CCNG2: variants seen among roughly 807,000 people sequenced by gnomAD.
The protein encoded by CCNG2 is cyclin G2.
A neutral mutation model predicts 36.5 loss-of-function variants in CCNG2; 20 were observed. That is an observed-to-expected ratio of 0.55 (90% CI 0.39 to 0.80). CCNG2 has a LOEUF of 0.80. Ranked by LOEUF, CCNG2 falls within the 30% of genes least tolerant of loss-of-function variation. The pLI, the probability that CCNG2 is intolerant of heterozygous loss-of-function variation, is 0.00. For missense variants in CCNG2, 358 were observed against 390.8 expected (o/e 0.92, Z 0.71); for synonymous variants, 155 against 140.1 (o/e 1.11, Z -0.75).
chr4:77,159,195 G>A (rs549704180), intron 2 of CCNG2, among the ~76,000 whole-genome samples, 172 bp from the exon 3 acceptor site: 4 of 152,306 alleles, frequency 2.6e-5, no homozygotes, highest in South Asian at 4.1e-4. Flanking sequence ...AGATGATAAA[G>A]TGTATAGCTT....
In CCNG2 at chr4:77,166,833, A is replaced by G. The variant is rs1405502021; in HGVS notation, c.*909A>G. 3 of 152,204 alleles carry G rather than the reference A, an allele frequency of 2.0e-5. No individual in the cohort carries two copies. The highest frequency in any genetic ancestry group is 4.4e-5 in the Non-Finnish European group (3 of 68,028). 9.4% of individuals were successfully genotyped at this position (152,204 alleles called of 1,614,324 possible). ...AATAGTGTATTGCTATATGGGTGCCAAGATTGAATATGAAGAACCCGAGTG... is the reference window on the plus strand; with the variant it reads ...AATAGTGTATTGCTATATGGGTGCCGAGATTGAATATGAAGAACCCGAGTG... On this transcript the variant is annotated 3_prime_UTR_variant, in exon 8 of 8. Transcript: ENST00000316355.
intron 6 of CCNG2, among the ~76,000 whole-genome samples, chr4:77,162,182 T>C (rs531779285): frequency 2.0e-5 from 3 of 152,260 alleles, no homozygotes; most frequent in Admixed American, 6.5e-5. Context: ...CCGAATGTCT[T>C]TTCAAATCCT....
chr4:77,168,294 T>A lies in CCNG2; in HGVS notation c.*2370T>A, dbSNP rs1357876591. 1 of 152,264 alleles carries A rather than the reference T, an allele frequency of 6.6e-6. No homozygotes were observed. Among genetic ancestry groups the A allele is most frequent in the Non-Finnish European group, 1.5e-5 (1 of 68,066 alleles). 9.4% of individuals were successfully genotyped at this position (152,264 alleles called of 1,614,324 possible). A position where few individuals can be genotyped will look rare whatever the true frequency, so the allele number is the denominator to read the frequency against. On this transcript the variant is annotated 3_prime_UTR_variant, in exon 8 of 8. Transcript: ENST00000316355. ...TTTATATCTCTCTGTCCCCCCTTTT[T>A]CTGCCATTGGCATGGTTTAGACCTG... is the stretch of plus-strand genomic sequence containing the variant.
Position 77,158,699 on chromosome 4 carries a change from A to C in CCNG2, c.138+29A>C, listed in dbSNP as rs773102024. The C allele has an allele frequency of 1.9e-6, 3 of 1,611,654 alleles. No individual in the cohort carries two copies. The South Asian group carries it at 3.3e-5, about 18-fold the overall frequency. On this transcript the variant is annotated intron_variant, in intron 2 of 7. Coordinates refer to ENST00000316355, the MANE Select transcript of CCNG2 (RefSeq NM_004354.3). ...AGTTGGCAGAAAAGATAACTTGCTC[A>C]AGCAGCTGATGGGGCTTGGAGGAGG...
chr4:77,164,391 C>G lies in CCNG2; in HGVS notation c.823C>G (p.Arg275Gly). 1.2e-6 allele frequency: 2 copies of G among 1,613,970 alleles called. No homozygotes were observed. Among genetic ancestry groups the G allele is most frequent in the Non-Finnish European group, 1.7e-6 (2 of 1,179,932 alleles). The change falls in exon 7 of 8, where the codon CGC (arginine) becomes GGC (glycine). Residue 275 changes from arginine to glycine, a missense_variant. Transcript: ENST00000316355. Reference protein sequence around the residue: ...LKKLVWIVSRRTAQNLHNSYY... With the variant: ...LKKLVWIVSRGTAQNLHNSYY... Reference sequence around the variant, plus strand: ...GAAGTTGGTTTGGATCGTTTCAAGGCGCACAGCCCAGAACCTCCACAACAG... The same window carrying G: ...GAAGTTGGTTTGGATCGTTTCAAGGGGCACAGCCCAGAACCTCCACAACAG...
intron 4 of CCNG2, 128 bp downstream of exon 4, chr4:77,161,099 C>CTTTTTTTTTTTTTTTT (rs34505988): frequency 7.3e-6 from 2 of 274,598 alleles, no homozygotes; most frequent in African/African-American, 6.3e-5. Flanking sequence ...ATTGGTAAAT[C>CTTTTTTTTTTTTTTTT]TTTTTTTTTT....
In CCNG2 at chr4:77,167,622, C is replaced by T. The variant is rs1201974821; in HGVS notation, c.*1698C>T. The T allele has an allele frequency of 6.6e-6, 1 of 152,186 alleles. No homozygotes were observed. Among genetic ancestry groups the T allele is most frequent in the East Asian group, 1.9e-4 (1 of 5,194 alleles). 9.4% of individuals were successfully genotyped at this position (152,186 alleles called of 1,614,324 possible). The stretch of plus-strand genomic sequence containing the variant: ...CCGCCAGCTTCTGGCTCTTGTGGAC[C>T]TCAAAAGTATCAGGTGGTTTTGCAA... On this transcript the variant is annotated 3_prime_UTR_variant, in exon 8 of 8. Coordinates refer to ENST00000316355, the MANE Select transcript of CCNG2 (RefSeq NM_004354.3).
chr4:77,157,942 C>T (rs950716304), intron 1 of CCNG2, among the ~76,000 whole-genome samples: 2 of 152,028 alleles, frequency 1.3e-5, no homozygotes, highest in African/African-American at 2.4e-5. Flanking sequence ...CACCCCAGGG[C>T]TCCTGGGACG....
At chr4:77,165,088 T>G (rs1470154115) in intron 7 of CCNG2, 1 of 152,242 alleles carries the variant, frequency 6.6e-6, no homozygotes, top group Admixed American at 6.5e-5. Context: ...GGTGTTGTCT[T>G]ATTCAGAATT....
Position 77,167,662 on chromosome 4 carries a change from C to T in CCNG2, c.*1738C>T, listed in dbSNP as rs1181502217. 2 of 152,068 alleles carry T rather than the reference C, an allele frequency of 1.3e-5. No homozygotes were observed. Among genetic ancestry groups the T allele is most frequent in the African/African-American group, 4.8e-5 (2 of 41,402 alleles). 9.4% of individuals were successfully genotyped at this position (152,068 alleles called of 1,614,324 possible). On this transcript the variant is annotated 3_prime_UTR_variant, in exon 8 of 8. Coordinates refer to ENST00000316355, the MANE Select transcript of CCNG2 (RefSeq NM_004354.3). ...TGGTTTTGCAAGTGGTGGTCCTTTC[C>T]CCTGCCCCACCCCAATAGGTTCCCC... is the stretch of plus-strand genomic sequence containing the variant.
intron 6 of CCNG2, 29 bp from the exon 7 acceptor site, chr4:77,164,245 C>T (rs376445357): frequency 5.6e-5 from 88 of 1,559,716 alleles, no homozygotes; most frequent in Middle Eastern, 5.0e-4. Flanking sequence ...GAGACATTGC[C>T]GTAACCTCTT....
chr4:77,162,422 GC>G (rs1477564155), intron 6 of CCNG2, among the ~76,000 whole-genome samples: 1 of 114,268 alleles, frequency 8.8e-6, no homozygotes, highest in Non-Finnish European at 1.7e-5. Context: ...TTGCTCTGTT[GC>G]CCAAGCTAGA....
chr4:77,163,459 A>C (rs1731540827), intron 6 of CCNG2, among the ~76,000 whole-genome samples: 1 of 152,240 alleles, frequency 6.6e-6, no homozygotes, highest in Non-Finnish European at 1.5e-5. Context: ...ATGTAGCTAC[A>C]TTAGGTGAAA....
intron 3 of CCNG2, 92 bp downstream of exon 3, chr4:77,159,596 T>G: frequency 5.7e-4 from 674 of 1,188,872 alleles, no homozygotes; most frequent in Non-Finnish European, 7.4e-4. Context: ...ATGGGTATAA[T>G]AACGTCCACT....
intron 1 of CCNG2, 154 bp from the exon 2 acceptor site, chr4:77,158,379 G>A (rs1014109540): frequency 1.0e-5 from 7 of 688,312 alleles, no homozygotes; most frequent in Non-Finnish European, 1.7e-5. Context: ...GGATTGCCCT[G>A]GGGCTCTGGC....
chr4:77,166,016 C>T lies in CCNG2; in HGVS notation c.*92C>T, dbSNP rs758079828. 1 of 1,238,368 alleles carries T rather than the reference C, an allele frequency of 8.1e-7. No individual in the cohort carries two copies. The highest frequency in any genetic ancestry group is 1.1e-6 in the Non-Finnish European group (1 of 900,588). 76.7% of individuals were successfully genotyped at this position (1,238,368 alleles called of 1,614,324 possible). The stretch of plus-strand genomic sequence containing the variant: ...TTTCCTGGTTTAGCCCCCATCTAGT[C>T]AGGAATTAATATACTGGAATACCTA... On this transcript the variant is annotated 3_prime_UTR_variant, in exon 8 of 8. Coordinates refer to ENST00000316355, the MANE Select transcript of CCNG2 (RefSeq NM_004354.3).
chr4:77,161,601 T>A (rs1731440269), intron 5 of CCNG2, 43 bp downstream of exon 5: 4 of 1,571,348 alleles, frequency 2.5e-6, no homozygotes, highest in Non-Finnish European at 3.5e-6. Context: ...ACAGTTTGTA[T>A]TTTGAATTTT....
chr4:77,165,520 T>C (rs1577908623), intron 7 of CCNG2, among the ~76,000 whole-genome samples: 3 of 152,074 alleles, frequency 2.0e-5, no homozygotes, highest in Admixed American at 2.0e-4. Flanking sequence ...TTGCCCAGGC[T>C]AGTCTTGAAC....
chr4:77,157,980 G>C (rs944971020), intron 1 of CCNG2, among the ~76,000 whole-genome samples: 4 of 151,958 alleles, frequency 2.6e-5, no homozygotes, highest in Non-Finnish European at 4.4e-5. Flanking sequence ...GGTAAGTCCG[G>C]AATCGGCGCT....
Sources: gnomAD v4.1 joint callset for allele counts (sites outside exome capture counted in the v4.1 genomes callset) on GRCh38, gnomAD v4.1.1 for gene constraint, MANE v1.5 for transcripts, NCBI Gene and HGNC (gene_info 2026-07-23, HGNC 2026-07-21) for gene names.